PIP4K2A: variants seen among roughly 807,000 people sequenced by gnomAD.
The protein encoded by PIP4K2A is phosphatidylinositol 5-phosphate 4-kinase type-2 alpha.
A neutral mutation model predicts 42.9 loss-of-function variants in PIP4K2A; 14 were observed. That is an observed-to-expected ratio of 0.33 (90% CI 0.22 to 0.51). The LOEUF is 0.51. Among genes scored for constraint, PIP4K2A ranks in the 20% least tolerant of loss-of-function variants. PIP4K2A has a pLI of 0.97. For missense variants in PIP4K2A, 434 were observed against 519.8 expected (o/e 0.83, Z 1.61); for synonymous variants, 192 against 192.2 (o/e 1.00, Z 0.01).
At chr10:22,554,900 TG>T (rs1354731753) in intron 6 of PIP4K2A, among the ~76,000 whole-genome samples, 1 of 152,186 alleles carries the variant, frequency 6.6e-6, no homozygotes, top group East Asian at 1.9e-4. Context: ...TGAGGCCCCG[TG>T]AGTAAATACA....
chr10:22,686,008 C>A (rs755619289), intron 1 of PIP4K2A, among the ~76,000 whole-genome samples: 1 of 152,170 alleles, frequency 6.6e-6, no homozygotes, highest in African/African-American at 2.4e-5. Flanking sequence ...TTCCAATATT[C>A]GCCTTAAGTG....
At chr10:22,688,534 C>G (rs1471285306) in intron 1 of PIP4K2A, among the ~76,000 whole-genome samples, 1 of 152,174 alleles carries the variant, frequency 6.6e-6, no homozygotes, top group Non-Finnish European at 1.5e-5. Flanking sequence ...CTCACTGCAG[C>G]CTTGACCTCC....
intron 4 of PIP4K2A, among the ~76,000 whole-genome samples, chr10:22,581,619 C>T (rs988111889): frequency 6.7e-5 from 10 of 148,324 alleles, no homozygotes; most frequent in Admixed American, 4.7e-4. Flanking sequence ...TATTAAGTAC[C>T]GTTCACTTCT....
chr10:22,664,172 TATATATATAC>T (rs1186792724), intron 1 of PIP4K2A, among the ~76,000 whole-genome samples: 39 of 73,938 alleles, frequency 5.3e-4, no homozygotes, highest in African/African-American at 2.1e-3. Context: ...TATATACATA[TATATATATAC>T]ATATATATAC....
At chr10:22,606,520 T>C (rs1837910498) in intron 3 of PIP4K2A, among the ~76,000 whole-genome samples, 1 of 152,166 alleles carries the variant, frequency 6.6e-6, no homozygotes, top group Admixed American at 6.5e-5. Context: ...CGCTGCTTTC[T>C]CCAAACATGG....
intron 1 of PIP4K2A, among the ~76,000 whole-genome samples, chr10:22,681,562 A>C (rs1482432711): frequency 1.3e-5 from 2 of 152,176 alleles, no homozygotes; most frequent in African/African-American, 4.8e-5. Context: ...GTGGTCCCAC[A>C]TACTCAAGAG....
chr10:22,620,089 T>G (rs1838287163), intron 1 of PIP4K2A, among the ~76,000 whole-genome samples: 1 of 152,202 alleles, frequency 6.6e-6, no homozygotes. Context: ...TATTTAAACT[T>G]TTGCTTAGAA....
intron 1 of PIP4K2A, among the ~76,000 whole-genome samples, chr10:22,642,927 A>G (rs117368858): frequency 2.0e-3 from 299 of 152,308 alleles, no homozygotes; most frequent in Non-Finnish European, 3.5e-3. Context: ...TTACATCTTA[A>G]GTCTCTTTCC....
chr10:22,580,147 G>A (rs778911516), intron 4 of PIP4K2A, among the ~76,000 whole-genome samples: 2 of 151,828 alleles, frequency 1.3e-5, no homozygotes, highest in Middle Eastern at 3.4e-3. Flanking sequence ...AATGCATGAC[G>A]GGGACTCCCA....
chr10:22,683,835 TCACACACA>T (rs138327782), intron 1 of PIP4K2A, among the ~76,000 whole-genome samples: 1,940 of 139,394 alleles, frequency 0.014, 20 homozygotes, highest in South Asian at 0.068. Flanking sequence ...ACCAAGCAGT[TCACACACA>T]CACACACACA....
At chr10:22,540,807 G>A (rs954371116) in intron 8 of PIP4K2A, among the ~76,000 whole-genome samples, 6 of 152,102 alleles carry the variant, frequency 3.9e-5, no homozygotes, top group African/African-American at 7.2e-5. Flanking sequence ...TGCCTGCCGC[G>A]GCCTCCCAAA....
chr10:22,565,464 T>C, intron 6 of PIP4K2A, among the ~76,000 whole-genome samples: 1 of 152,226 alleles, frequency 6.6e-6, no homozygotes, highest in Non-Finnish European at 1.5e-5. Context: ...TCATGGACAC[T>C]TATCACTTCC....
At chr10:22,647,017 T>C (rs1216953778) in intron 1 of PIP4K2A, among the ~76,000 whole-genome samples, 1 of 151,992 alleles carries the variant, frequency 6.6e-6, no homozygotes, top group Non-Finnish European at 1.5e-5. Flanking sequence ...GATCCATGGG[T>C]GTTTTCTCTC....
chr10:22,567,476 C>T (rs191278207), intron 6 of PIP4K2A: 18 of 433,450 alleles, frequency 4.2e-5, no homozygotes, highest in South Asian at 2.5e-4. Flanking sequence ...GGGTCACATT[C>T]GGTTTGATAT....
chr10:22,548,284 G>A (rs1414526989), intron 7 of PIP4K2A, among the ~76,000 whole-genome samples: 2 of 152,198 alleles, frequency 1.3e-5, no homozygotes, highest in Non-Finnish European at 2.9e-5. Flanking sequence ...ACAGCTAAGT[G>A]CTTGAGCCAT....
At position 22,609,713 on chromosome 10, in the gene PIP4K2A, T is replaced by A. The variant is rs200997893; in HGVS notation, c.149A>T (p.Asn50Ile). ...VLMWGVNHSI[N>I]ELSHVQIPVM... The stretch of plus-strand genomic sequence containing the variant: ...AGGGATTTGAACATGGCTCAGTTCA[T>A]TGATCTGGAAAAATATAAAATAAAT... Residue 50 changes from asparagine (N) to isoleucine (I), a missense_variant, in exon 2 of 10, where the codon AAT (asparagine) becomes ATT (isoleucine). Coordinates refer to ENST00000376573, the MANE Select transcript of PIP4K2A (RefSeq NM_005028.5). 3.8e-6 allele frequency: 6 copies of A among 1,585,596 alleles called. No individual in the cohort carries two copies. Among genetic ancestry groups the A allele is most frequent in the Non-Finnish European group, 4.3e-6 (5 of 1,156,712 alleles).
chr10:22,684,079 C>A (rs1043002738), intron 1 of PIP4K2A, among the ~76,000 whole-genome samples: 1 of 152,064 alleles, frequency 6.6e-6, no homozygotes, highest in African/African-American at 2.4e-5. Flanking sequence ...TTTTCCCCCC[C>A]TTAAATGCAT....
At chr10:22,627,591 T>TTAAAAAAAAAAAAAAAAAAA (rs1838469308) in intron 1 of PIP4K2A, among the ~76,000 whole-genome samples, 1 of 56,994 alleles carries the variant, frequency 1.8e-5, no homozygotes, top group Admixed American at 2.9e-4. Flanking sequence ...TAATATGTAA[T>TTAAAAAAAAAAAAAAAAAAA]AAAAAAAAAA....
At chr10:22,646,558 A>C (rs1838886928) in intron 1 of PIP4K2A, among the ~76,000 whole-genome samples, 1 of 150,196 alleles carries the variant, frequency 6.7e-6, no homozygotes, top group African/African-American at 2.5e-5. Context: ...TATGGATGGC[A>C]AAAAAAACAC....
Sources: allele counts gnomAD v4.1 joint callset (sites outside exome capture counted in the v4.1 genomes callset), GRCh38; gene constraint gnomAD v4.1.1; transcripts MANE v1.5; gene names NCBI Gene and HGNC (gene_info 2026-07-23, HGNC 2026-07-21).